Variants in DLG2 observed in about 807,000 individuals in gnomAD.
DLG2 encodes discs large MAGUK scaffold protein 2.
A neutral mutation model predicts 132.5 loss-of-function variants in DLG2; 45 were observed. The ratio of observed to expected loss-of-function variants is 0.34; its 90% confidence interval spans 0.27 to 0.44. The LOEUF is 0.44. Among genes scored for constraint, DLG2 ranks in the 20% least tolerant of loss-of-function variants. The probability of loss-of-function intolerance (pLI) is 1.00; values close to 1 mark genes in which losing one functional copy is unlikely to be tolerated. For missense variants in DLG2, 1,045 were observed against 1,196.9 expected (o/e 0.87, Z 1.87); for synonymous variants, 424 against 419.6 (o/e 1.01, Z -0.13).
intron 6 of DLG2, among the ~76,000 whole-genome samples, chr11:84,579,201 G>GTT (rs2099510650): frequency 6.6e-6 from 1 of 151,726 alleles, no homozygotes; most frequent in Admixed American, 6.6e-5. Flanking sequence ...GTGTGTGTGT[G>GTT]TGTGTGTGTG....
intron 19 of DLG2, among the ~76,000 whole-genome samples, chr11:83,585,881 A>G (rs2097076087): frequency 6.6e-6 from 1 of 152,212 alleles, no homozygotes; most frequent in African/African-American, 2.4e-5. Flanking sequence ...ATTATGTGCC[A>G]TGAGGATGGG....
At chr11:84,818,395 T>C (rs970156167) in intron 6 of DLG2, among the ~76,000 whole-genome samples, 7 of 151,958 alleles carry the variant, frequency 4.6e-5, no homozygotes, top group Non-Finnish European at 1.0e-4. Context: ...AATAGAGTTC[T>C]TTCTCTCTTC....
At chr11:83,933,114 A>G (rs1020305120) in intron 14 of DLG2, among the ~76,000 whole-genome samples, 3 of 152,208 alleles carry the variant, frequency 2.0e-5, no homozygotes, top group African/African-American at 7.2e-5. Context: ...GACAAACAAG[A>G]AATGCCGTTT....
chr11:83,696,646 A>G (rs1036383731), intron 18 of DLG2, among the ~76,000 whole-genome samples: 6 of 152,246 alleles, frequency 3.9e-5, no homozygotes, highest in African/African-American at 1.4e-4. Flanking sequence ...TAATGGAAAC[A>G]GAAATGACCA....
intron 7 of DLG2, among the ~76,000 whole-genome samples, chr11:84,264,422 T>G (rs966912783): frequency 6.6e-6 from 1 of 152,174 alleles, no homozygotes; most frequent in Non-Finnish European, 1.5e-5. Flanking sequence ...TACCTCCTAG[T>G]AGGCCTGGCA....
intron 8 of DLG2, among the ~76,000 whole-genome samples, chr11:84,203,018 G>A (rs1196279897): frequency 6.6e-6 from 1 of 152,194 alleles, no homozygotes; most frequent in Non-Finnish European, 1.5e-5. Flanking sequence ...GTTGGTGGGA[G>A]TGTAAATTAG....
intron 6 of DLG2, among the ~76,000 whole-genome samples, chr11:84,884,325 TAAAAC>T (rs10539629): frequency 0.42 from 63,571 of 151,012 alleles, 13,742 homozygotes; most frequent in Middle Eastern, 0.44. Flanking sequence ...TGTCTAAATG[TAAAAC>T]AAAACAAAAC....
At chr11:84,275,720 G>T (rs2097777504) in intron 7 of DLG2, among the ~76,000 whole-genome samples, 1 of 152,160 alleles carries the variant, frequency 6.6e-6, no homozygotes, top group African/African-American at 2.4e-5. Context: ...CCTTTAAGGA[G>T]AATCTAACAG....
At chr11:83,900,400 C>T (rs2073083027) in intron 15 of DLG2, among the ~76,000 whole-genome samples, 1 of 152,102 alleles carries the variant, frequency 6.6e-6, no homozygotes, top group South Asian at 2.1e-4. Flanking sequence ...GATGGCAGCC[C>T]CTCCCATCAC....
intron 6 of DLG2, among the ~76,000 whole-genome samples, chr11:84,946,348 G>A (rs1188395455): frequency 6.6e-6 from 1 of 151,990 alleles, no homozygotes; most frequent in African/African-American, 2.4e-5. Flanking sequence ...GCCCAGCAAT[G>A]AGTCTCACCC....
At chr11:83,790,239 T>G in intron 17 of DLG2, 1 of 910,598 alleles carries the variant, frequency 1.1e-6, no homozygotes. Context: ...CCTTCCACAT[T>G]TGGCTGTTCA....
At chr11:85,434,405 T>TA (rs201867861) in intron 3 of DLG2, among the ~76,000 whole-genome samples, 2,180 of 141,614 alleles carry the variant, frequency 0.015, 51 homozygotes, top group African/African-American at 0.053. Flanking sequence ...TGAAAAAATT[T>TA]TAAAAAAAAA....
intron 15 of DLG2, among the ~76,000 whole-genome samples, chr11:83,919,793 C>T (rs888860379): frequency 6.6e-6 from 1 of 152,158 alleles, no homozygotes; most frequent in Non-Finnish European, 1.5e-5. Context: ...ATGTTAGCAT[C>T]TAGTTATTTT....
intron 6 of DLG2, among the ~76,000 whole-genome samples, chr11:85,085,799 T>C (rs1161577472): frequency 6.6e-6 from 1 of 152,162 alleles, no homozygotes; most frequent in Non-Finnish European, 1.5e-5. Context: ...GACTCCAAAG[T>C]CAGTGTCCTT....
At position 84,836,954 on chromosome 11, in the gene DLG2, C is replaced by A. The variant is rs58393515; in HGVS notation, c.357+274707G>T. Among the ~76,000 whole-genome samples, 1,315 of 151,832 alleles carry A rather than the reference C, an allele frequency of 8.7e-3. 17 individuals are homozygous for A. The highest frequency in any genetic ancestry group is 0.029 in the African/African-American group (1,213 of 41,468). On this transcript the variant is annotated intron_variant, in intron 6 of 27. Coordinates refer to ENST00000376104, the MANE Select transcript of DLG2 (RefSeq NM_001142699.3). ...ATACATGTGCCATGTTGGTGTGCTGCACCCATTAACTCGTCATTTAACATT... is the reference window on the plus strand; with the variant it reads ...ATACATGTGCCATGTTGGTGTGCTGAACCCATTAACTCGTCATTTAACATT...
At chr11:85,269,689 C>G (rs545485564) in intron 4 of DLG2, among the ~76,000 whole-genome samples, 1 of 152,058 alleles carries the variant, frequency 6.6e-6, no homozygotes, top group East Asian at 1.9e-4. Context: ...CAAGCATAAT[C>G]GTACCAATTC....
chr11:83,539,188 C>T (rs755667285), intron 20 of DLG2, among the ~76,000 whole-genome samples: 2 of 152,188 alleles, frequency 1.3e-5, no homozygotes, highest in African/African-American at 2.4e-5. Context: ...ATTTATTCAC[C>T]ATCTTCAGAA....
chr11:83,499,594 C>A (rs1192716424), intron 21 of DLG2, among the ~76,000 whole-genome samples: 1 of 149,336 alleles, frequency 6.7e-6, no homozygotes, highest in Admixed American at 6.7e-5. Flanking sequence ...CTTTTTTTTT[C>A]CCTTTCAACA....
intron 6 of DLG2, among the ~76,000 whole-genome samples, chr11:84,741,272 T>C (rs1332650014): frequency 2.0e-5 from 3 of 151,866 alleles, no homozygotes; most frequent in African/African-American, 7.2e-5. Flanking sequence ...TTCACCGTGG[T>C]CTCGATCTCC....
Sources: gnomAD v4.1 joint callset for allele counts (sites outside exome capture counted in the v4.1 genomes callset) on GRCh38, gnomAD v4.1.1 for gene constraint, MANE v1.5 for transcripts, NCBI Gene and HGNC (gene_info 2026-07-23, HGNC 2026-07-21) for gene names.